Variants in PCGF5 observed in about 807,000 individuals in gnomAD.
PCGF5 encodes polycomb group ring finger 5, also known as polycomb group RING finger protein 5.
Under a neutral mutation model 44.3 loss-of-function variants are expected in PCGF5, and 9 were observed. That is an observed-to-expected ratio of 0.20 (90% CI 0.12 to 0.35). The LOEUF (loss-of-function observed/expected upper bound fraction) is 0.35. Among genes scored for constraint, PCGF5 ranks in the 10% least tolerant of loss-of-function variants. The pLI is 1.00. For missense variants in PCGF5, 146 were observed against 305.3 expected, an observed-to-expected ratio of 0.48 and a Z score of 3.89; for synonymous variants, 95 against 102.5, an observed-to-expected ratio of 0.93 and a Z score of 0.44.
intron 5 of PCGF5, among the ~76,000 whole-genome samples, chr10:91,249,248 A>G (rs911315362): frequency 1.3e-5 from 2 of 151,574 alleles, no homozygotes; most frequent in Non-Finnish European, 2.9e-5. Context: ...CTGGGTGCTT[A>G]TGGGAATTTT....
intron 8 of PCGF5, among the ~76,000 whole-genome samples, chr10:91,270,213 C>T (rs1476941274): frequency 6.6e-6 from 1 of 152,180 alleles, no homozygotes; most frequent in Non-Finnish European, 1.5e-5. Context: ...GTACAGCCCC[C>T]TTTTCCCAGC....
chr10:91,203,177 C>T (rs1844284618), intron 1 of PCGF5, among the ~76,000 whole-genome samples: 1 of 152,194 alleles, frequency 6.6e-6, no homozygotes, highest in South Asian at 2.1e-4. Flanking sequence ...AAGACTAACC[C>T]ATTCAGCAGG....
At chr10:91,206,920 A>G (rs1461382033) in intron 1 of PCGF5, among the ~76,000 whole-genome samples, 1 of 152,182 alleles carries the variant, frequency 6.6e-6, no homozygotes, top group East Asian at 1.9e-4. Flanking sequence ...ACTGCCCCAG[A>G]GTCCCTCTTG....
intron 9 of PCGF5, among the ~76,000 whole-genome samples, chr10:91,272,048 A>G (rs1846192573): frequency 6.6e-6 from 1 of 152,224 alleles, no homozygotes; most frequent in South Asian, 2.1e-4. Context: ...TTCAACCACA[A>G]GTGAAATATA....
intron 1 of PCGF5, among the ~76,000 whole-genome samples, chr10:91,175,903 C>T (rs1409778804): frequency 2.6e-5 from 4 of 152,118 alleles, no homozygotes; most frequent in African/African-American, 9.7e-5. Flanking sequence ...GCATTTAGCC[C>T]ATTTACATTT....
chr10:91,167,254 T>C (rs1843516515), intron 1 of PCGF5, among the ~76,000 whole-genome samples: 1 of 152,216 alleles, frequency 6.6e-6, no homozygotes, highest in Non-Finnish European at 1.5e-5. Context: ...GCTTACTATA[T>C]ATATAAAGCA....
chr10:91,269,971 A>G (rs1846139476), intron 8 of PCGF5, among the ~76,000 whole-genome samples: 1 of 152,126 alleles, frequency 6.6e-6, no homozygotes, highest in Non-Finnish European at 1.5e-5. Context: ...TGATTCTTTC[A>G]AATTTGGGTA....
At chr10:91,169,560 GAT>G (rs1056978242) in intron 1 of PCGF5, among the ~76,000 whole-genome samples, 1 of 152,076 alleles carries the variant, frequency 6.6e-6, no homozygotes, top group Non-Finnish European at 1.5e-5. Flanking sequence ...AAAATACTTA[GAT>G]ATACATCTAA....
upstream of PCGF5, among the ~76,000 whole-genome samples, chr10:91,219,500 A>G (rs183849451): frequency 3.9e-5 from 6 of 152,362 alleles, no homozygotes; most frequent in Admixed American, 3.3e-4. Flanking sequence ...CTCTGAAATG[A>G]AAGATATGAA....
chr10:91,193,269 C>A (rs12416166), intron 1 of PCGF5, among the ~76,000 whole-genome samples: 32,087 of 152,102 alleles, frequency 0.21, 3,765 homozygotes, highest in East Asian at 0.49. Context: ...AGGAATACAT[C>A]CCTGCTGTCA....
intron 1 of PCGF5, among the ~76,000 whole-genome samples, chr10:91,185,894 G>C (rs1843914659): frequency 6.6e-6 from 1 of 151,466 alleles, no homozygotes; most frequent in South Asian, 2.1e-4. Context: ...TGTGGGTCAG[G>C]TTGTTTCCTT....
At chr10:91,162,943 C>G (rs1041228031), upstream of PCGF5, 1 of 145,556 alleles carries the variant, frequency 6.9e-6, no homozygotes, top group Non-Finnish European at 1.5e-5. Flanking sequence ...GCCCAGCCCC[C>G]GCCCCGCGCC....
upstream of PCGF5, among the ~76,000 whole-genome samples, chr10:91,219,935 GCATT>G (rs1844622691): frequency 2.0e-5 from 3 of 152,064 alleles, no homozygotes; most frequent in Non-Finnish European, 4.4e-5. Flanking sequence ...CAAATATTTT[GCATT>G]GACAGTCTCC....
chr10:91,267,399 C>T (rs555412909), intron 8 of PCGF5, among the ~76,000 whole-genome samples: 1 of 152,244 alleles, frequency 6.6e-6, no homozygotes, highest in South Asian at 2.1e-4. Context: ...TGTTTGTCCT[C>T]CAAGTAAAAT....
At chr10:91,277,011 AAC>A (rs1034286555) in intron 9 of PCGF5, among the ~76,000 whole-genome samples, 31 of 152,332 alleles carry the variant, frequency 2.0e-4, no homozygotes, top group African/African-American at 6.7e-4. Context: ...GTAAAACCAG[AAC>A]AGTTTTAGAA....
At chr10:91,181,671 T>TA (rs1216479777) in intron 1 of PCGF5, among the ~76,000 whole-genome samples, 1 of 152,230 alleles carries the variant, frequency 6.6e-6, no homozygotes, top group Non-Finnish European at 1.5e-5. Context: ...AAATTACACT[T>TA]ACTGATTTGT....
At chr10:91,223,006 A>G in intron 2 of PCGF5, 23 bp downstream of exon 2, 1 of 1,431,132 alleles carries the variant, frequency 7.0e-7, no homozygotes. Context: ...TTAGGTTATT[A>G]TACCTATCAA....
At chr10:91,193,548 C>T (rs114074106) in intron 1 of PCGF5, among the ~76,000 whole-genome samples, 2 of 149,558 alleles carry the variant, frequency 1.3e-5, no homozygotes, top group Non-Finnish European at 3.0e-5. Context: ...TGAGGGGTGG[C>T]GAGGGGTAGT....
rs545154720 is a variant in PCGF5, at chr10:91,163,802, C to A, written c.-184+721C>A. ...GGGACCCACCTGTACGCCCTCCGCG[C>A]CCCCTGCGGGCGCTGCCCGCGCGCG... is the stretch of plus-strand genomic sequence containing the variant. On this transcript the variant is annotated intron_variant, in intron 1 of 9. Coordinates refer to the PCGF5 transcript ENST00000614189. Among the ~76,000 whole-genome samples, 33 of 151,854 alleles carry A rather than the reference C, an allele frequency of 2.2e-4. 1 individual carries two copies. The highest frequency in any genetic ancestry group is 8.0e-4 in the African/African-American group (33 of 41,502).
Sources: gnomAD v4.1 joint callset for allele counts (sites outside exome capture counted in the v4.1 genomes callset) on GRCh38, gnomAD v4.1.1 for gene constraint, MANE v1.5 for transcripts, NCBI Gene and HGNC (gene_info 2026-07-23, HGNC 2026-07-21) for gene names.